JDP2: variants seen among roughly 807,000 people sequenced by gnomAD.
JDP2 encodes the protein progesterone receptor co-activator.
JDP2 carries 9 observed loss-of-function variants against 17.1 expected under a neutral mutation model. The ratio of observed to expected loss-of-function variants is 0.53; its 90% confidence interval spans 0.32 to 0.92. JDP2 has a LOEUF of 0.92. Ranked by LOEUF, JDP2 falls within the 40% of genes least tolerant of loss-of-function variation. JDP2 has a pLI of 0.04. For missense variants in JDP2, 179 were observed against 220.0 expected (o/e 0.81, Z 1.18); for synonymous variants, 107 against 95.6 (o/e 1.12, Z -0.69).
intron 2 of JDP2, chr14:75,445,125 G>C: frequency 1.0e-6 from 1 of 985,360 alleles, no homozygotes; most frequent in Non-Finnish European, 1.2e-6. Flanking sequence ...TTGGGAAACT[G>C]AGTCCTCTCC....
intron 2 of JDP2, among the ~76,000 whole-genome samples, chr14:75,459,670 C>G (rs369738844): frequency 6.6e-6 from 1 of 152,358 alleles, no homozygotes; most frequent in Admixed American, 6.5e-5. Flanking sequence ...AGTCACCCCC[C>G]ACACCCTCCT....
chr14:75,469,317 G>A lies in JDP2; in HGVS notation c.334G>A (p.Ala112Thr), dbSNP rs535492554. 2.4e-5 allele frequency: 38 copies of A among 1,614,018 alleles called. No individual in the cohort carries two copies. The highest frequency in any genetic ancestry group is 8.3e-5 in the Admixed American group (5 of 60,002). The change falls in exon 4 of 4, where the codon GCA becomes ACA. Residue 112 changes from alanine (A) to threonine (T), a missense_variant. Coordinates refer to ENST00000651602, the MANE Select transcript of JDP2 (RefSeq NM_001135048.2). ...ATCCGAGCGGCTGGAACTCATGAAC[G>A]CAGAGCTGAAGACCCAGATTGAGGA... ...RESERLELMN[A>T]ELKTQIEELK...
intron 2 of JDP2, chr14:75,445,807 A>G (rs1266246996): frequency 6.1e-6 from 1 of 164,196 alleles, no homozygotes. Context: ...AATAAAAAAA[A>G]TAAATTGGAC....
rs186295929 is a variant in JDP2, at chr14:75,430,134, C to T, written c.-24+1882C>T. ...CCCTGGGTTTGTTGTCATCTCCCTA[C>T]CTGTTTGTAGGATGTGTGGGCATTT... is the stretch of plus-strand genomic sequence containing the variant. On this transcript the variant is annotated intron_variant, in intron 1 of 3. Coordinates refer to ENST00000651602, the MANE Select transcript of JDP2 (RefSeq NM_001135048.2). This position sits in a 1 kb window ranked among gnomAD's most constrained non-coding sequence, Gnocchi z 4.5. 1.3e-5 allele frequency among the ~76,000 whole-genome samples: 2 copies of T among 152,310 alleles called. No individual in the cohort carries two copies. The highest frequency in any genetic ancestry group is 3.9e-4 in the East Asian group (2 of 5,188).
chr14:75,444,625 C>T (rs1885508916), intron 2 of JDP2, among the ~76,000 whole-genome samples: 1 of 152,222 alleles, frequency 6.6e-6, no homozygotes, highest in African/African-American at 2.4e-5. Context: ...GTTTCCTGCA[C>T]ATACTGCACA....
At position 75,473,164 on chromosome 14, in the gene JDP2, C is replaced by T. The variant is rs576788985; in HGVS notation, c.*3689C>T. Reference sequence around the variant, plus strand: ...ACCACCCTGGATAACACGGTGAAACCCTGTCTCTACTAATAATACAAAAAA... The same window carrying T: ...ACCACCCTGGATAACACGGTGAAACTCTGTCTCTACTAATAATACAAAAAA... On this transcript the variant is annotated 3_prime_UTR_variant, in exon 4 of 4. Coordinates refer to ENST00000651602, the MANE Select transcript of JDP2 (RefSeq NM_001135048.2). 6.6e-6 allele frequency: 1 copy of T among 152,128 alleles called. No individual in the cohort carries two copies. Among genetic ancestry groups the T allele is most frequent in the Non-Finnish European group, 1.5e-5 (1 of 68,044 alleles). 9.4% of individuals were successfully genotyped at this position (152,128 alleles called of 1,614,324 possible). A position where few individuals can be genotyped will look rare whatever the true frequency, so the allele number is the denominator to read the frequency against.
At position 75,469,283 on chromosome 14, in the gene JDP2, T is replaced by A. The variant is rs1886707211; in HGVS notation, c.307-7T>A. The stretch of plus-strand genomic sequence containing the variant: ...AACTCACAGCGTGCTTCTGTGTTGG[T>A]ATACAGGAATCCGAGCGGCTGGAAC... On this transcript the variant is annotated splice_polypyrimidine_tract_variant and splice_region_variant and intron_variant, in intron 3 of 3. Coordinates refer to ENST00000651602, the MANE Select transcript of JDP2 (RefSeq NM_001135048.2). 1 of 1,612,858 alleles carries A rather than the reference T, an allele frequency of 6.2e-7. No individual in the cohort carries two copies.
At chr14:75,464,554 A>G (rs1731937147) in intron 3 of JDP2, among the ~76,000 whole-genome samples, 1 of 152,224 alleles carries the variant, frequency 6.6e-6, no homozygotes, top group South Asian at 2.1e-4. Flanking sequence ...ATAACACGCC[A>G]TTTTATGTAA....
intron 2 of JDP2, among the ~76,000 whole-genome samples, chr14:75,445,862 A>C (rs1885576390): frequency 6.6e-6 from 1 of 152,220 alleles, no homozygotes; most frequent in Non-Finnish European, 1.5e-5. Flanking sequence ...ACACAAAGTA[A>C]AAAGAAAATC....
intron 2 of JDP2, among the ~76,000 whole-genome samples, chr14:75,460,089 G>A (rs777937663): frequency 1.5e-4 from 23 of 152,216 alleles, no homozygotes; most frequent in African/African-American, 5.5e-4. Flanking sequence ...TATCAAAGTA[G>A]GCAACAAATG....
At chr14:75,434,284 A>T (rs1025786027) in intron 1 of JDP2, among the ~76,000 whole-genome samples, 3 of 152,176 alleles carry the variant, frequency 2.0e-5, no homozygotes, top group African/African-American at 7.2e-5. Context: ...GCAGCTGCTC[A>T]GCTCCTCCAT....
chr14:75,432,184 C>G, intron 1 of JDP2: 1 of 759,422 alleles, frequency 1.3e-6, no homozygotes, highest in South Asian at 1.7e-5. Context: ...TGGGGCCTTC[C>G]CCATCATCTT....
rs527875572 is a variant in JDP2 at position 75,468,517 on chromosome 14, A to T, written c.307-773A>T. Among the ~76,000 whole-genome samples the T allele has an allele frequency of 1.4e-4, 22 of 152,258 alleles. No homozygotes were observed. The South Asian group carries it at 4.6e-3, about 32-fold the overall frequency. The stretch of plus-strand genomic sequence containing the variant: ...GATATGCCCATCTCCCATCTACACG[A>T]TGGACATGTAACCCTCGCCACCTCC... On this transcript the variant is annotated intron_variant, in intron 3 of 3. Coordinates refer to ENST00000651602, the MANE Select transcript of JDP2 (RefSeq NM_001135048.2).
At chr14:75,446,535 G>A (rs1885608424) in intron 2 of JDP2, among the ~76,000 whole-genome samples, 1 of 152,148 alleles carries the variant, frequency 6.6e-6, no homozygotes, top group Admixed American at 6.5e-5. Flanking sequence ...CATTATGCTG[G>A]GTAAAAGAAG....
chr14:75,428,315 G>C lies in JDP2; in HGVS notation c.-24+63G>C, dbSNP rs964261485. On this transcript the variant is annotated intron_variant, in intron 1 of 3. Transcript: ENST00000651602. This position sits in a 1 kb window ranked among gnomAD's most constrained non-coding sequence, Gnocchi z 5.6. ...GCGGGGCGGGGCAGGGCGCGGCGCG[G>C]GCACCTGGGACGGCCGCCCCCGCAC... The C allele has an allele frequency of 6.1e-5, 9 of 147,860 alleles. 1 individual carries two copies. The highest frequency in any genetic ancestry group is 2.2e-4 in the African/African-American group (9 of 41,054). The allele number at this position is 147,860 out of a possible 1,614,324, so 9.2% of individuals were successfully genotyped here. A position where few individuals can be genotyped will look rare whatever the true frequency, so the allele number is the denominator to read the frequency against.
intron 1 of JDP2, among the ~76,000 whole-genome samples, chr14:75,431,682 C>A (rs1329767838): frequency 6.6e-6 from 1 of 152,230 alleles, no homozygotes; most frequent in Non-Finnish European, 1.5e-5. Flanking sequence ...GTTCTGCAGT[C>A]AACTGCCAGG....
chr14:75,461,654 G>A lies in JDP2; in HGVS notation c.306+124G>A, dbSNP rs141194670. ...GCATCTGCTGGCAGCTGCCAAAGCA[G>A]CCTTGGCCCCTCTGCTCTTTCCTAC... On this transcript the variant is annotated intron_variant, in intron 3 of 3. Transcript: ENST00000651602. The A allele has an allele frequency of 5.1e-4, 379 of 739,902 alleles. 3 individuals carry two copies. In the African/African-American group the frequency reaches 5.1e-3, roughly 10 times the overall value. 45.8% of individuals were successfully genotyped at this position (739,902 alleles called of 1,614,324 possible). A position where few individuals can be genotyped will look rare whatever the true frequency, so the allele number is the denominator to read the frequency against.
chr14:75,464,254 A>T (rs1886470202), intron 3 of JDP2, among the ~76,000 whole-genome samples: 1 of 152,252 alleles, frequency 6.6e-6, no homozygotes, highest in African/African-American at 2.4e-5. Flanking sequence ...GTAAAATACA[A>T]GGCTCAGAGA....
intron 2 of JDP2, 63 bp from the exon 3 acceptor site, chr14:75,461,363 C>A: frequency 1.6e-6 from 2 of 1,247,994 alleles, no homozygotes; most frequent in South Asian, 1.3e-5. Context: ...GTCTATGTGT[C>A]AGGACAGAAA....
Sources: allele counts gnomAD v4.1 joint callset (sites outside exome capture counted in the v4.1 genomes callset), GRCh38; gene constraint gnomAD v4.1.1; non-coding constraint Gnocchi (gnomAD v3.1); transcripts MANE v1.5; gene names NCBI Gene and HGNC (gene_info 2026-07-23, HGNC 2026-07-21).